Variants in SEMA5A observed in about 807,000 individuals in gnomAD.
SEMA5A encodes semaphorin-5A.
A neutral mutation model predicts 135.5 loss-of-function variants in SEMA5A; 55 were observed. That is an observed-to-expected ratio of 0.41 (90% CI 0.33 to 0.51). The LOEUF (loss-of-function observed/expected upper bound fraction) is 0.51. Among genes scored for constraint, SEMA5A ranks in the 20% least tolerant of loss-of-function variants. SEMA5A has a pLI of 0.37. For synonymous variants in SEMA5A, 580 were observed against 546.5 expected (o/e 1.06, Z -0.85); for missense variants, 1,290 against 1,419.9 (o/e 0.91, Z 1.47).
Position 9,316,855 on chromosome 5 carries a change from T to C in SEMA5A, c.270+1517A>G, listed in dbSNP as rs546081248. Among the ~76,000 whole-genome samples the C allele has an allele frequency of 2.6e-5, 4 of 152,290 alleles. No individual in the cohort carries two copies. The South Asian group carries it at 8.3e-4, about 32-fold the overall frequency. ...AGCAATTTTCAAGCACATAGTACAT[T>C]GTTAGTAGTTATAGTCACCATGTCA... On this transcript the variant is annotated intron_variant, in intron 5 of 22. Coordinates refer to ENST00000382496, the MANE Select transcript of SEMA5A (RefSeq NM_003966.3).
intron 1 of SEMA5A, among the ~76,000 whole-genome samples, chr5:9,451,951 G>GA (rs991772464): frequency 6.6e-6 from 1 of 151,964 alleles, no homozygotes; most frequent in African/African-American, 2.4e-5. Context: ...AGAAGAGGAG[G>GA]AAAAAAAGAT....
chr5:9,529,881 C>T (rs538060282), intron 1 of SEMA5A, among the ~76,000 whole-genome samples: 4 of 152,334 alleles, frequency 2.6e-5, no homozygotes, highest in African/African-American at 9.6e-5. Context: ...TCAGATCCTC[C>T]CTTCTTTCAT....
At chr5:9,407,999 T>TCACCATCACTACCAA (rs1239631681) in intron 2 of SEMA5A, among the ~76,000 whole-genome samples, 7 of 150,728 alleles carry the variant, frequency 4.6e-5, no homozygotes, top group East Asian at 3.9e-4. Context: ...ACTGCCATCA[T>TCACCATCACTACCAA]CACCATCACT....
intron 12 of SEMA5A, among the ~76,000 whole-genome samples, chr5:9,149,042 C>T (rs1742490266): frequency 6.6e-6 from 1 of 152,242 alleles, no homozygotes; most frequent in Middle Eastern, 3.4e-3. Flanking sequence ...TTGATGTCAT[C>T]CTGTGGGACA....
chr5:9,251,319 T>C (rs1748773126), intron 5 of SEMA5A, among the ~76,000 whole-genome samples: 1 of 152,126 alleles, frequency 6.6e-6, no homozygotes, highest in African/African-American at 2.4e-5. Context: ...ACATCACATC[T>C]GAGAAAAATT....
intron 19 of SEMA5A, chr5:9,053,829 C>T (rs1382213871): frequency 5.8e-6 from 2 of 347,672 alleles, no homozygotes; most frequent in East Asian, 4.4e-5. Flanking sequence ...ATTCAGAACT[C>T]GTGCTTGAAG....
chr5:9,120,815 T>C (rs980011155), intron 14 of SEMA5A, among the ~76,000 whole-genome samples: 6 of 150,812 alleles, frequency 4.0e-5, no homozygotes, highest in African/African-American at 1.2e-4. Context: ...AGTCTCGCTC[T>C]GTCGCCAGGC....
intron 1 of SEMA5A, among the ~76,000 whole-genome samples, chr5:9,513,877 A>T (rs1218343100): frequency 6.6e-6 from 1 of 152,192 alleles, no homozygotes; most frequent in Non-Finnish European, 1.5e-5. Context: ...AGTGGAGTGG[A>T]ACGTTAGTTT....
At chr5:9,392,538 T>A (rs1756208450) in intron 2 of SEMA5A, among the ~76,000 whole-genome samples, 1 of 152,180 alleles carries the variant, frequency 6.6e-6, no homozygotes, top group Non-Finnish European at 1.5e-5. Flanking sequence ...AGCAAAATAG[T>A]TTCCAGAGGC....
chr5:9,279,846 G>T (rs1468157538), intron 5 of SEMA5A, among the ~76,000 whole-genome samples: 1 of 152,056 alleles, frequency 6.6e-6, no homozygotes, highest in Non-Finnish European at 1.5e-5. Context: ...CATGCTTCCT[G>T]TTAAGCCCAT....
At chr5:9,173,949 C>T (rs913216894) in intron 11 of SEMA5A, among the ~76,000 whole-genome samples, 1 of 152,078 alleles carries the variant, frequency 6.6e-6, no homozygotes, top group Non-Finnish European at 1.5e-5. Flanking sequence ...TCTGTTTAAA[C>T]CCCAGAAAAT....
intron 8 of SEMA5A, among the ~76,000 whole-genome samples, chr5:9,220,512 C>G (rs954699775): frequency 6.7e-6 from 1 of 150,308 alleles, no homozygotes; most frequent in Non-Finnish European, 1.5e-5. Context: ...CAAAAACCAC[C>G]TGTGCCCCAG....
intron 1 of SEMA5A, among the ~76,000 whole-genome samples, chr5:9,504,158 T>C (rs1579647301): frequency 1.4e-5 from 2 of 138,308 alleles, no homozygotes; most frequent in East Asian, 2.1e-4. Context: ...GAGGCTGCAG[T>C]GAGCCAAGGT....
intron 5 of SEMA5A, among the ~76,000 whole-genome samples, chr5:9,296,396 T>A (rs185406072): frequency 8.5e-5 from 13 of 152,280 alleles, no homozygotes; most frequent in African/African-American, 2.9e-4. Context: ...CAGCTAAATG[T>A]AATATATTTA....
chr5:9,212,188 A>G (rs1746378726), intron 8 of SEMA5A, among the ~76,000 whole-genome samples: 1 of 152,256 alleles, frequency 6.6e-6, no homozygotes, highest in African/African-American at 2.4e-5. Context: ...CACAATATTA[A>G]TTTGGAAATG....
intron 16 of SEMA5A, among the ~76,000 whole-genome samples, chr5:9,072,793 T>G (rs76643870): frequency 0.1 from 15,197 of 152,186 alleles, 898 homozygotes; most frequent in African/African-American, 0.14. Flanking sequence ...GACAAAAAAA[T>G]TGTCTACCAG....
At chr5:9,302,746 C>T (rs1751671076) in intron 5 of SEMA5A, among the ~76,000 whole-genome samples, 1 of 152,170 alleles carries the variant, frequency 6.6e-6, no homozygotes, top group South Asian at 2.1e-4. Context: ...GGGAACTCTG[C>T]TGACGGTGAG....
chr5:9,356,162 T>G (rs1036887722), intron 3 of SEMA5A, among the ~76,000 whole-genome samples: 1 of 152,220 alleles, frequency 6.6e-6, no homozygotes, highest in African/African-American at 2.4e-5. Flanking sequence ...TGAAGACGCA[T>G]TTCTTCTCTG....
At chr5:9,319,791 C>T (rs2150671599) in intron 4 of SEMA5A, among the ~76,000 whole-genome samples, 1 of 133,170 alleles carries the variant, frequency 7.5e-6, no homozygotes, top group East Asian at 2.2e-4. Context: ...TTTACAACAC[C>T]TATAAGACAT....
Sources: allele counts gnomAD v4.1 joint callset (sites outside exome capture counted in the v4.1 genomes callset), GRCh38; gene constraint gnomAD v4.1.1; transcripts MANE v1.5; gene names NCBI Gene and HGNC (gene_info 2026-07-23, HGNC 2026-07-21).